Variants in TADA2A observed in about 807,000 individuals in gnomAD.
The protein encoded by TADA2A is transcriptional adaptor 2A, also known as transcriptional adapter 2-alpha.
In TADA2A, 38 loss-of-function variants were observed where a neutral mutation model predicts 67.4. That is an observed-to-expected ratio of 0.56 (90% CI 0.44 to 0.74). The LOEUF (loss-of-function observed/expected upper bound fraction) is 0.74, where lower values mean the gene tolerates loss of function less well. Among genes scored for constraint, TADA2A ranks in the 30% least tolerant of loss-of-function variants. The pLI is 0.00. For missense variants in TADA2A, 454 were observed against 547.0 expected (o/e 0.83, Z 1.70); for synonymous variants, 192 against 181.6 (o/e 1.06, Z -0.46).
At chr17:37,445,144 A>T (rs745418289) in intron 8 of TADA2A, among the ~76,000 whole-genome samples, 17 of 152,180 alleles carry the variant, frequency 1.1e-4, no homozygotes, top group Non-Finnish European at 2.4e-4. Flanking sequence ...TGTTCACTAT[A>T]TTTTGTTACC....
Position 37,439,929 on chromosome 17 carries a change from TA to T in TADA2A, c.285-575del, listed in dbSNP as rs199781881. Among the ~76,000 whole-genome samples the T allele has an allele frequency of 3.1e-3, 320 of 103,726 alleles. 5 individuals are homozygous for T. Among genetic ancestry groups the T allele is most frequent in the African/African-American group, 0.012 (273 of 23,412 alleles). The allele number at this position is 103,726 out of a possible 152,430, so 68.0% of individuals were successfully genotyped here. A position where few individuals can be genotyped will look rare whatever the true frequency, so the allele number is the denominator to read the frequency against. Reference sequence around the variant, plus strand: ...ATCTTTATTTATTTATTTATTTATTTATTTATTTATTTATTATTTTTTTTTT... The same window carrying T: ...ATCTTTATTTATTTATTTATTTATTTTTTATTTATTTATTATTTTTTTTTT... On this transcript the variant is annotated intron_variant, in intron 5 of 15. Transcript: ENST00000615182.
chr17:37,434,822 T>TA (rs2052673419), intron 4 of TADA2A, among the ~76,000 whole-genome samples: 1 of 128 alleles, frequency 7.8e-3, no homozygotes, highest in Non-Finnish European at 0.016. Context: ...CTCTACATAT[T>TA]TAAATATTTG....
intron 10 of TADA2A, among the ~76,000 whole-genome samples, chr17:37,465,078 A>G (rs1431613279): frequency 6.8e-6 from 1 of 147,342 alleles, no homozygotes; most frequent in African/African-American, 2.5e-5. Context: ...AATCCAGGAG[A>G]TGGAGGTTGC....
Position 37,478,657 on chromosome 17 carries a change from G to A in TADA2A, c.*1675G>A, listed in dbSNP as rs1360292754. 2 of 152,208 alleles carry A rather than the reference G, an allele frequency of 1.3e-5. No individual in the cohort carries two copies. Among genetic ancestry groups the A allele is most frequent in the Non-Finnish European group, 2.9e-5 (2 of 68,028 alleles). 9.4% of individuals were successfully genotyped at this position (152,208 alleles called of 1,614,324 possible). A position where few individuals can be genotyped will look rare whatever the true frequency, so the allele number is the denominator to read the frequency against. On this transcript the variant is annotated 3_prime_UTR_variant, in exon 16 of 16. Transcript: ENST00000615182. Reference sequence around the variant, plus strand: ...TCTTGTTTCTGTTAGAAACAAAGTTGTATATAGAAATAACTTCGTCAGAAT... The same window carrying A: ...TCTTGTTTCTGTTAGAAACAAAGTTATATATAGAAATAACTTCGTCAGAAT...
chr17:37,444,799 A>G (rs760061441), intron 8 of TADA2A, 31 bp downstream of exon 8: 6 of 1,593,940 alleles, frequency 3.8e-6, no homozygotes, highest in Non-Finnish European at 5.2e-6. Flanking sequence ...ATGTTTATCG[A>G]GCGCCAACTG....
chr17:37,426,665 GA>G (rs71135723), intron 3 of TADA2A: 18,377 of 120,998 alleles, frequency 0.15, 1,498 homozygotes, highest in Middle Eastern at 0.25. Context: ...CTCCGTCTCA[GA>G]AAAAAAAAAA....
chr17:37,449,319 C>T (rs1167858458), intron 8 of TADA2A, among the ~76,000 whole-genome samples: 1 of 152,190 alleles, frequency 6.6e-6, no homozygotes, highest in Non-Finnish European at 1.5e-5. Context: ...CCGTGCCCGG[C>T]CTGATTTCAC....
At chr17:37,467,854 G>C (rs189289038) in intron 12 of TADA2A, among the ~76,000 whole-genome samples, 28 of 152,254 alleles carry the variant, frequency 1.8e-4, no homozygotes, top group Admixed American at 1.5e-3. Context: ...GGCCAAGGCA[G>C]GTGGGTCACT....
intron 2 of TADA2A, among the ~76,000 whole-genome samples, chr17:37,418,969 G>A (rs1208877443): frequency 3.4e-5 from 5 of 145,460 alleles, no homozygotes; most frequent in Non-Finnish European, 1.5e-5. Context: ...AAGCTGAAGC[G>A]ATCATCCTGC....
chr17:37,407,655 T>A (rs1463361518), intron 1 of TADA2A, among the ~76,000 whole-genome samples: 3 of 151,922 alleles, frequency 2.0e-5, no homozygotes, highest in African/African-American at 7.3e-5. Context: ...TCTCCTAGGC[T>A]GTACTGCAGT....
intron 15 of TADA2A, 148 bp from the exon 16 acceptor site, chr17:37,476,649 G>A (rs966447513): frequency 1.2e-5 from 9 of 729,708 alleles, no homozygotes; most frequent in Non-Finnish European, 2.0e-5. Context: ...GAGAGGAAGA[G>A]ACTAAATGGA....
rs191683532 is a variant in TADA2A, at chr17:37,417,154, C to T, written c.25+5764C>T. 1.0e-3 allele frequency among the ~76,000 whole-genome samples: 153 copies of T among 151,262 alleles called. 1 individual carries two copies. The highest frequency in any genetic ancestry group is 3.1e-4 in the Non-Finnish European group (21 of 67,776). On this transcript the variant is annotated intron_variant, in intron 2 of 15. Transcript: ENST00000615182. ...CAGCACTCTGGGAGGCTGAGGCAGA[C>T]GGATCACCTGAGGTCAGGAGTTCGA...
chr17:37,418,754 T>A (rs548203954), intron 2 of TADA2A, among the ~76,000 whole-genome samples: 2 of 152,080 alleles, frequency 1.3e-5, no homozygotes, highest in Admixed American at 6.6e-5. Context: ...CACATCCAGC[T>A]AATTTTTTAT....
chr17:37,440,661 C>CT lies in TADA2A; in HGVS notation c.442dup (p.Ser148PhefsTer4). On this transcript the variant is annotated frameshift_variant and splice_region_variant, in exon 6 of 16. Transcript: ENST00000615182. LOFTEE classifies it high-confidence loss of function. Reference sequence around the variant, plus strand: ...CTGCTGACACAGCCATTCCATTTCACTGTAAGTGCCTCCCTATCTTGATAA... The same window carrying CT: ...CTGCTGACACAGCCATTCCATTTCACTTGTAAGTGCCTCCCTATCTTGATAA... 1 of 1,614,184 alleles carries CT rather than the reference C, an allele frequency of 6.2e-7. No homozygotes were observed. Among genetic ancestry groups the CT allele is most frequent in the Non-Finnish European group, 8.5e-7 (1 of 1,180,018 alleles).
chr17:37,420,157 C>T (rs1048231202), intron 2 of TADA2A, among the ~76,000 whole-genome samples: 1 of 146,336 alleles, frequency 6.8e-6, no homozygotes, highest in East Asian at 2.2e-4. Context: ...ACTTAATATA[C>T]AATAATTTTT....
chr17:37,458,615 C>G, intron 9 of TADA2A, 28 bp downstream of exon 9: 1 of 1,587,962 alleles, frequency 6.3e-7, no homozygotes, highest in Non-Finnish European at 8.6e-7. Flanking sequence ...TCCTGGCCTC[C>G]TTTCAGCTTT....
intron 8 of TADA2A, chr17:37,454,856 A>G (rs936246031): frequency 8.8e-6 from 2 of 228,374 alleles, no homozygotes; most frequent in Non-Finnish European, 1.9e-5. Flanking sequence ...AAAGACCGCA[A>G]TGGCTGCTGC....
chr17:37,458,143 A>G (rs2053446679), intron 8 of TADA2A, among the ~76,000 whole-genome samples: 1 of 152,084 alleles, frequency 6.6e-6, no homozygotes, highest in Non-Finnish European at 1.5e-5. Flanking sequence ...TGTTCTCATC[A>G]TTTAGCTCCC....
chr17:37,426,385 GT>G (rs1473411799), intron 3 of TADA2A: 1 of 151,934 alleles, frequency 6.6e-6, no homozygotes, highest in Non-Finnish European at 1.5e-5. Flanking sequence ...TTAAAAAATT[GT>G]TGTCCGGGCT....
Sources: gnomAD v4.1 joint callset for allele counts (sites outside exome capture counted in the v4.1 genomes callset) on GRCh38, gnomAD v4.1.1 for gene constraint, MANE v1.5 for transcripts, NCBI Gene and HGNC (gene_info 2026-07-23, HGNC 2026-07-21) for gene names.